Variants in NCOR1 observed in about 807,000 individuals in gnomAD.
The protein encoded by NCOR1 is protein phosphatase 1, regulatory subunit 109.
NCOR1 carries 63 observed loss-of-function variants against 288.1 expected under a neutral mutation model. The ratio of observed to expected loss-of-function variants is 0.22; its 90% confidence interval spans 0.18 to 0.27. The LOEUF (loss-of-function observed/expected upper bound fraction) is 0.27, where lower values mean the gene tolerates loss of function less well. Ranked by LOEUF, NCOR1 falls within the 10% of genes least tolerant of loss-of-function variation. The pLI, the probability that NCOR1 is intolerant of heterozygous loss-of-function variation, is 1.00. For missense variants in NCOR1, 2,397 were observed against 3,019.2 expected (o/e 0.79, Z 4.83); for synonymous variants, 1,007 against 1,065.9 (o/e 0.94, Z 1.08).
chr17:16,049,251 G>T, intron 40 of NCOR1: 1 of 242,020 alleles, frequency 4.1e-6, no homozygotes, highest in Non-Finnish European at 7.9e-6. Context: ...GTGCTGCCCG[G>T]GCAGCAGCAG....
rs2078931312 is a variant in NCOR1, at chr17:16,151,961, T to C, written c.827A>G (p.His276Arg). The C allele has an allele frequency of 6.3e-7, 1 of 1,597,256 alleles. No homozygotes were observed. Among genetic ancestry groups the C allele is most frequent in the Non-Finnish European group, 8.5e-7 (1 of 1,173,520 alleles). ...YNQPSDTKVY[H>R]ENIKTNQVMR... Reference sequence around the variant, plus strand: ...CAATACTTACGTCTTGATGTTCTCATGGTACACCTTGGTATCTGATGGCTG... The same window carrying C: ...CAATACTTACGTCTTGATGTTCTCACGGTACACCTTGGTATCTGATGGCTG... The change falls in exon 8 of 46, where the codon CAT (histidine) becomes CGT (arginine). Residue 276 changes from histidine (H) to arginine (R), a missense_variant. By Grantham distance (29) the His-to-Arg change is conservative. Around this residue, in one of 11 missense-constraint regions of NCOR1, gnomAD observed 76 missense variants for 102.2 expected, o/e 0.74. Transcript: ENST00000268712.
chr17:16,093,817 A>G (rs1476334825), intron 21 of NCOR1, among the ~76,000 whole-genome samples: 1 of 152,172 alleles, frequency 6.6e-6, no homozygotes, highest in African/African-American at 2.4e-5. Flanking sequence ...TCTAATTAAG[A>G]AGACACTCCC....
chr17:16,090,935 T>C (rs2065068053), intron 22 of NCOR1, among the ~76,000 whole-genome samples: 1 of 152,230 alleles, frequency 6.6e-6, no homozygotes. Context: ...TCATTCAGAC[T>C]ATTTCAGTAT....
intron 6 of NCOR1, among the ~76,000 whole-genome samples, chr17:16,153,798 TA>T (rs376987526): frequency 4.6e-5 from 7 of 152,256 alleles, no homozygotes; most frequent in African/African-American, 1.7e-4. Context: ...TCATCTTTAA[TA>T]GAAACTTAAA....
chr17:16,104,408 G>A (rs2068202168), intron 19 of NCOR1, among the ~76,000 whole-genome samples: 1 of 152,202 alleles, frequency 6.6e-6, no homozygotes. Context: ...CACGGACACA[G>A]CAATTTAAGA....
chr17:16,086,397 C>A lies in NCOR1; in HGVS notation c.3062G>T (p.Gly1021Val), dbSNP rs2152863833. Residue 1021 changes from glycine to valine, a missense_variant, in exon 23 of 46, where the codon GGC (glycine) becomes GTC (valine). Around this residue, in one of 11 missense-constraint regions of NCOR1, gnomAD observed 1,872 missense variants for 2,187.8 expected, o/e 0.86. Transcript: ENST00000268712. ...TGGTCGAGTTGTCGGAAGCCGAACG[C>A]CTTCAGGGAGATTAGTTATCACTTG... ...PHQVITNLPE[G>V]VRLPTTRPTR... The A allele has an allele frequency of 1.2e-6, 2 of 1,614,004 alleles. No individual in the cohort carries two copies. The highest frequency in any genetic ancestry group is 1.7e-6 in the Non-Finnish European group (2 of 1,179,986).
In NCOR1 at chr17:16,101,920, T is replaced by C. The variant is rs2067690885; in HGVS notation, c.2183-163A>G. On this transcript the variant is annotated intron_variant, in intron 19 of 45. Coordinates refer to ENST00000268712, the MANE Select transcript of NCOR1 (RefSeq NM_006311.4). The stretch of plus-strand genomic sequence containing the variant: ...GAATTCTACTCCTTTGATGACCTCA[T>C]TGAAGTATTTACAGCCATTGAGAAG... 7 of 874,064 alleles carry C rather than the reference T, an allele frequency of 8.0e-6. No homozygotes were observed. The South Asian group carries it at 8.9e-5, about 11-fold the overall frequency. 54.1% of individuals were successfully genotyped at this position (874,064 alleles called of 1,614,324 possible). A position where few individuals can be genotyped will look rare whatever the true frequency, so the allele number is the denominator to read the frequency against.
At chr17:16,163,909 T>C (rs1003421805) in intron 5 of NCOR1, among the ~76,000 whole-genome samples, 1 of 152,148 alleles carries the variant, frequency 6.6e-6, no homozygotes, top group African/African-American at 2.4e-5. Flanking sequence ...AGGTCACATA[T>C]GATTCTGTTT....
intron 6 of NCOR1, among the ~76,000 whole-genome samples, chr17:16,154,418 T>C (rs1170456494): frequency 6.6e-6 from 1 of 152,186 alleles, no homozygotes; most frequent in Non-Finnish European, 1.5e-5. Context: ...AAGAAAATAA[T>C]GAATAAGATA....
chr17:16,046,472 T>C (rs1342109485), intron 42 of NCOR1, among the ~76,000 whole-genome samples: 1 of 152,206 alleles, frequency 6.6e-6, no homozygotes, highest in Non-Finnish European at 1.5e-5. Flanking sequence ...AAGGCTAGGT[T>C]AAATGTTTTT....
At chr17:16,041,404 C>CTTTTTTTTTTTTTT (rs3031059) in intron 42 of NCOR1, 1 of 103,784 alleles carries the variant, frequency 9.6e-6, no homozygotes, top group African/African-American at 3.7e-5. Context: ...TGTGAAAGTT[C>CTTTTTTTTTTTTTT]TTTTTTTTTT....
intron 1 of NCOR1, among the ~76,000 whole-genome samples, chr17:16,208,504 T>C (rs1215924798): frequency 6.6e-6 from 1 of 152,146 alleles, no homozygotes; most frequent in African/African-American, 2.4e-5. Context: ...CCATGTTTAC[T>C]TTCTCTTTCT....
In NCOR1 at chr17:16,041,736, TATTA is replaced by T. The variant is rs1476279992; in HGVS notation, c.6680-1246_6680-1243del. ...AGCCAGAATGTGAAATTAATTAATTTATTAATTAATTTATTTTTAAGACGGAGTC... is the reference window on the plus strand; with the variant it reads ...AGCCAGAATGTGAAATTAATTAATTTATTAATTTATTTTTAAGACGGAGTC... On this transcript the variant is annotated intron_variant, in intron 42 of 45. Transcript: ENST00000268712. Among the ~76,000 whole-genome samples the T allele has an allele frequency of 2.7e-5, 4 of 150,630 alleles. No individual in the cohort carries two copies. The East Asian group carries it at 5.9e-4, about 22-fold the overall frequency.
At chr17:16,192,934 A>G (rs2153552965) in intron 2 of NCOR1, among the ~76,000 whole-genome samples, 1 of 152,312 alleles carries the variant, frequency 6.6e-6, no homozygotes, top group South Asian at 2.1e-4. Context: ...AAGAGGCCAT[A>G]GACAGAATAG....
chr17:16,083,296 G>C (rs564379547), intron 23 of NCOR1, among the ~76,000 whole-genome samples: 5 of 151,176 alleles, frequency 3.3e-5, no homozygotes, highest in African/African-American at 1.2e-4. Context: ...GACTGCTTGA[G>C]CCCAGGAGTT....
rs2082346775 is a variant in NCOR1 at position 16,167,959 on chromosome 17, C to T, written c.436-2798G>A. ...AAAGGCAAACGATTAAATAGGAAAA[C>T]CATTTGCAAAACATGCACTCTAACA... On this transcript the variant is annotated intron_variant, in intron 4 of 45. Coordinates refer to ENST00000268712, the MANE Select transcript of NCOR1 (RefSeq NM_006311.4). Among the ~76,000 whole-genome samples, 9 of 149,786 alleles carry T rather than the reference C, an allele frequency of 6.0e-5. No homozygotes were observed. The South Asian group carries it at 1.9e-3, about 32-fold the overall frequency.
chr17:16,121,386 T>TAA, intron 15 of NCOR1, 117 bp from the exon 16 acceptor site: 4 of 691,820 alleles, frequency 5.8e-6, no homozygotes, highest in Non-Finnish European at 4.1e-6. Context: ...AATCTCTCAC[T>TAA]CAAAAAAAAA....
chr17:16,197,582 G>T (rs1036484219), intron 1 of NCOR1, among the ~76,000 whole-genome samples: 7 of 152,154 alleles, frequency 4.6e-5, no homozygotes, highest in African/African-American at 1.7e-4. Context: ...GAAATCTGAA[G>T]ATCAGAGAAA....
intron 28 of NCOR1, 53 bp downstream of exon 28, chr17:16,073,376 T>C: frequency 6.8e-7 from 1 of 1,463,992 alleles, no homozygotes; most frequent in Non-Finnish European, 9.1e-7. Flanking sequence ...CAATGCAAAA[T>C]TACTATATAA....
Sources: allele counts gnomAD v4.1 joint callset (sites outside exome capture counted in the v4.1 genomes callset), GRCh38; gene constraint gnomAD v4.1.1; regional missense constraint gnomAD v4.1.1; transcripts MANE v1.5; gene names NCBI Gene and HGNC (gene_info 2026-07-23, HGNC 2026-07-21).